TRPC4: variants seen among roughly 807,000 people sequenced by gnomAD.
TRPC4 encodes short transient receptor potential channel 4.
TRPC4 carries 49 observed loss-of-function variants against 99.4 expected under a neutral mutation model. The ratio of observed to expected loss-of-function variants is 0.49; its 90% CI spans 0.39 to 0.63. The LOEUF is 0.63. Ranked by LOEUF, TRPC4 falls within the 20% of genes least tolerant of loss-of-function variation. The pLI, the probability that TRPC4 is intolerant of heterozygous loss-of-function variation, is 0.00. For missense variants in TRPC4, 898 were observed against 1,152.9 expected, an observed-to-expected ratio of 0.78 and a Z score of 3.20; for synonymous variants, 454 against 425.9, an observed-to-expected ratio of 1.07 and a Z score of -0.81.
chr13:37,712,987 T>A (rs1386530500), intron 3 of TRPC4, among the ~76,000 whole-genome samples: 1 of 152,192 alleles, frequency 6.6e-6, no homozygotes, highest in Non-Finnish European at 1.5e-5. Flanking sequence ...GCACCCTCTA[T>A]GTCAGGCTAA....
intron 2 of TRPC4, among the ~76,000 whole-genome samples, chr13:37,767,523 C>T (rs1956410588): frequency 6.6e-6 from 1 of 151,128 alleles, no homozygotes; most frequent in African/African-American, 2.4e-5. Flanking sequence ...CTCCTCAGAA[C>T]CCCGTACTCC....
At chr13:37,790,701 T>C (rs1957096534) in intron 1 of TRPC4, among the ~76,000 whole-genome samples, 1 of 152,144 alleles carries the variant, frequency 6.6e-6, no homozygotes, top group Non-Finnish European at 1.5e-5. Flanking sequence ...CCTTGAAAGA[T>C]CAACCTGAAA....
intron 2 of TRPC4, among the ~76,000 whole-genome samples, chr13:37,754,341 A>T (rs1161629928): frequency 6.6e-6 from 1 of 152,128 alleles, no homozygotes; most frequent in Non-Finnish European, 1.5e-5. Context: ...GGCACTCAAT[A>T]ACTACTACTT....
chr13:37,759,631 A>T (rs1445770418), intron 2 of TRPC4, among the ~76,000 whole-genome samples: 1 of 151,826 alleles, frequency 6.6e-6, no homozygotes, highest in Non-Finnish European at 1.5e-5. Flanking sequence ...AGAAATGATG[A>T]TTTTTCTCAA....
At chr13:37,769,470 T>C (rs547231143) in intron 2 of TRPC4, among the ~76,000 whole-genome samples, 46 of 151,680 alleles carry the variant, frequency 3.0e-4, no homozygotes, top group African/African-American at 1.1e-3. Flanking sequence ...ATTATTTCCC[T>C]TTATCATGAT....
At chr13:37,714,174 T>G (rs940493670) in intron 3 of TRPC4, among the ~76,000 whole-genome samples, 2 of 151,968 alleles carry the variant, frequency 1.3e-5, no homozygotes, top group African/African-American at 4.8e-5. Context: ...TCGCCCAGGC[T>G]GGAGTGCAGT....
chr13:37,650,703 G>A (rs747412067), intron 8 of TRPC4, among the ~76,000 whole-genome samples: 1 of 151,758 alleles, frequency 6.6e-6, no homozygotes, highest in African/African-American at 2.4e-5. Context: ...AACATGTTGA[G>A]TAATTACACA....
At chr13:37,706,998 CAT>C (rs1443319425) in intron 3 of TRPC4, among the ~76,000 whole-genome samples, 1 of 151,894 alleles carries the variant, frequency 6.6e-6, no homozygotes, top group African/African-American at 2.4e-5. Context: ...TGTAAACAGA[CAT>C]ATGCATGTCT....
At chr13:37,821,501 C>A (rs1033404005) in intron 1 of TRPC4, among the ~76,000 whole-genome samples, 5 of 152,006 alleles carry the variant, frequency 3.3e-5, no homozygotes, top group Admixed American at 1.3e-4. Flanking sequence ...GTCCAAATAG[C>A]CAAGGAAATC....
chr13:37,836,133 C>T (rs1221562112), intron 1 of TRPC4, among the ~76,000 whole-genome samples: 1 of 152,162 alleles, frequency 6.6e-6, no homozygotes, highest in Non-Finnish European at 1.5e-5. Context: ...ATGTGACTTC[C>T]TCCTCCTTGC....
chr13:37,695,801 A>G (rs1457977846), intron 3 of TRPC4, among the ~76,000 whole-genome samples: 3 of 152,212 alleles, frequency 2.0e-5, no homozygotes, highest in Non-Finnish European at 4.4e-5. Context: ...TATTGAATCT[A>G]ATCTCATTTT....
At chr13:37,654,932 A>G (rs1952175274) in intron 7 of TRPC4, among the ~76,000 whole-genome samples, 156 bp downstream of exon 7, 1 of 152,206 alleles carries the variant, frequency 6.6e-6, no homozygotes, top group Non-Finnish European at 1.5e-5. Flanking sequence ...ATAGTGTGCT[A>G]CTGCTCAGAA....
intron 1 of TRPC4, among the ~76,000 whole-genome samples, chr13:37,857,086 A>G (rs1484393894): frequency 6.6e-6 from 1 of 151,708 alleles, no homozygotes; most frequent in Non-Finnish European, 1.5e-5. Context: ...AACTTGCAAG[A>G]TACAAAATTA....
In TRPC4 at chr13:37,746,434, T is replaced by C; in HGVS notation, c.400A>G (p.Lys134Glu). ...EKQVPPILLDKQFSEFTPDIT... is the reference protein window; with the variant it reads ...EKQVPPILLDEQFSEFTPDIT... ...TCTGGAGTGAATTCAGAGAACTGCT[T>C]ATCAAGGAGTATAGGAGGCACCTAA... The change falls in exon 3 of 11, where the codon AAG becomes GAG. Residue 134 changes from lysine (K) to glutamate (E), a missense_variant. Around this residue, in one of 3 missense-constraint regions of TRPC4, gnomAD observed 278 missense variants for 346.6 expected, o/e 0.80. Transcript: ENST00000379705. 1.3e-6 allele frequency: 2 copies of C among 1,598,394 alleles called. No homozygotes were observed. Among genetic ancestry groups the C allele is most frequent in the East Asian group, 2.3e-5 (1 of 44,260 alleles).
intron 2 of TRPC4, among the ~76,000 whole-genome samples, chr13:37,778,392 G>A (rs1356666922): frequency 2.0e-5 from 3 of 151,948 alleles, no homozygotes; most frequent in Non-Finnish European, 4.4e-5. Flanking sequence ...ACAGTTACTG[G>A]CATGGTGACA....
At chr13:37,705,432 T>C (rs1160218681) in intron 3 of TRPC4, among the ~76,000 whole-genome samples, 1 of 152,040 alleles carries the variant, frequency 6.6e-6, no homozygotes, top group African/African-American at 2.4e-5. Context: ...ATTGAGAGTA[T>C]ATTTTAAGTG....
intron 2 of TRPC4, among the ~76,000 whole-genome samples, chr13:37,751,412 A>G (rs1015017476): frequency 1.3e-5 from 2 of 151,610 alleles, no homozygotes; most frequent in African/African-American, 4.8e-5. Context: ...GAGAGAGAGA[A>G]AGAAAGAGAG....
intron 5 of TRPC4, among the ~76,000 whole-genome samples, chr13:37,672,268 TACAA>T (rs898531159): frequency 3.9e-5 from 6 of 152,150 alleles, no homozygotes; most frequent in African/African-American, 1.4e-4. Flanking sequence ...ATGTAATAAA[TACAA>T]ACATGATATA....
intron 1 of TRPC4, among the ~76,000 whole-genome samples, chr13:37,853,543 T>C (rs1433433305): frequency 6.6e-6 from 1 of 152,046 alleles, no homozygotes; most frequent in Admixed American, 6.6e-5. Flanking sequence ...ATCAAGAATA[T>C]GCAGGAAAAT....
Sources: gnomAD v4.1 joint callset for allele counts (sites outside exome capture counted in the v4.1 genomes callset) on GRCh38, gnomAD v4.1.1 for gene constraint, gnomAD v4.1.1 regional missense constraint, MANE v1.5 for transcripts, NCBI Gene and HGNC (gene_info 2026-07-23, HGNC 2026-07-21) for gene names.